PRDM2: variants seen among roughly 807,000 people sequenced by gnomAD.
The protein encoded by PRDM2 is PR domain zinc finger protein 2.
PRDM2 carries 30 observed loss-of-function variants against 130.0 expected under a neutral mutation model. That is an observed-to-expected ratio of 0.23 (90% CI 0.17 to 0.31). The LOEUF (loss-of-function observed/expected upper bound fraction) is 0.31, where lower values mean the gene tolerates loss of function less well. Among genes scored for constraint, PRDM2 ranks in the 10% least tolerant of loss-of-function variants. The probability of loss-of-function intolerance (pLI) is 1.00; values close to 1 mark genes in which losing one functional copy is unlikely to be tolerated. For synonymous variants in PRDM2, 871 were observed against 782.4 expected, an observed-to-expected ratio of 1.11 and a Z score of -1.89; for missense variants, 2,011 against 2,108.4, an observed-to-expected ratio of 0.95 and a Z score of 0.90.
At chr1:13,751,860 G>A (rs922844554) in intron 6 of PRDM2, among the ~76,000 whole-genome samples, 5 of 152,064 alleles carry the variant, frequency 3.3e-5, no homozygotes, top group Non-Finnish European at 7.4e-5. Context: ...TCATCAGATC[G>A]CTGGTGGATC....
In PRDM2 at chr1:13,803,939, T is replaced by G. The variant is rs1287637576; in HGVS notation, c.5037-12488T>G. 6.6e-6 allele frequency among the ~76,000 whole-genome samples: 1 copy of G among 152,162 alleles called. No homozygotes were observed. Among genetic ancestry groups the G allele is most frequent in the Non-Finnish European group, 1.5e-5 (1 of 68,024 alleles). On this transcript the variant is annotated intron_variant, in intron 8 of 9. Coordinates refer to ENST00000311066, the MANE Select transcript of PRDM2 (RefSeq NM_001393986.1). This position sits in a 1 kb window ranked among gnomAD's most constrained non-coding sequence, Gnocchi z 6.2. ...GGAGGCCACATTGGGGGCTCAGCAG[T>G]GGGCCCATGGCCTCCCTCAGGGCTG... is the stretch of plus-strand genomic sequence containing the variant.
intron 6 of PRDM2, among the ~76,000 whole-genome samples, chr1:13,760,613 T>C (rs1449305141): frequency 6.6e-6 from 1 of 152,228 alleles, no homozygotes; most frequent in Non-Finnish European, 1.5e-5. Flanking sequence ...ACATACCAGC[T>C]GCACCAGTTA....
In PRDM2 at chr1:13,779,359, G is replaced by C. The variant is rs148030242; in HGVS notation, c.1564G>C (p.Glu522Gln). 9.3e-6 allele frequency: 15 copies of C among 1,614,158 alleles called. No homozygotes were observed. The highest frequency in any genetic ancestry group is 1.3e-5 in the African/African-American group (1 of 75,034). Residue 522 changes from glutamate to glutamine, a missense_variant, in exon 8 of 10, where the codon GAA becomes CAA. This residue lies in a region of PRDM2 where 1,288 missense variants were observed against 1,237.7 expected (regional missense o/e 1.04). Coordinates refer to ENST00000311066, the MANE Select transcript of PRDM2 (RefSeq NM_001393986.1). The surrounding 1 kb of genome is among the most constrained non-coding windows in gnomAD (Gnocchi z 4.9). Reference sequence around the variant, plus strand: ...AGGTGTACGGCGAAAAGGAGGCCTTGAAGAGCCCCAGCCTCCAGCAGAACA... The same window carrying C: ...AGGTGTACGGCGAAAAGGAGGCCTTCAAGAGCCCCAGCCTCCAGCAGAACA... ...PKGVRRKGGLEEPQPPAEQAQ... is the reference protein window; with the variant it reads ...PKGVRRKGGLQEPQPPAEQAQ...
intron 1 of PRDM2, chr1:13,705,065 A>G (rs1642166958): frequency 6.6e-6 from 1 of 152,182 alleles, no homozygotes; most frequent in Non-Finnish European, 1.5e-5. Context: ...AGGTAAATAT[A>G]TGAATGCACT....
At chr1:13,727,676 C>T (rs1410011480) in intron 2 of PRDM2, among the ~76,000 whole-genome samples, 1 of 152,172 alleles carries the variant, frequency 6.6e-6, no homozygotes, top group African/African-American at 2.4e-5. Context: ...TATTTCTTAC[C>T]AGAGTGATGC....
intron 8 of PRDM2, among the ~76,000 whole-genome samples, chr1:13,794,974 T>C (rs1018231659): frequency 5.3e-5 from 8 of 152,204 alleles, no homozygotes; most frequent in African/African-American, 7.2e-5. Context: ...TTCCTTCTTA[T>C]AGCAGATGCT....
Position 13,782,648 on chromosome 1 carries a change from G to A in PRDM2, c.4853G>A (p.Ser1618Asn). The A allele has an allele frequency of 1.9e-6, 3 of 1,614,118 alleles. No individual in the cohort carries two copies. Among genetic ancestry groups the A allele is most frequent in the Non-Finnish European group, 2.5e-6 (3 of 1,180,032 alleles). Residue 1618 changes from serine to asparagine, a missense_variant, in exon 8 of 10, where the codon AGC becomes AAC. By Grantham distance (46) the Ser-to-Asn change is conservative. This residue lies in a region of PRDM2 where 410 missense variants were observed against 395.9 expected (regional missense o/e 1.04). Coordinates refer to ENST00000311066, the MANE Select transcript of PRDM2 (RefSeq NM_001393986.1). ...AGCCTGCACGTGAGGGTACAGAAAA[G>A]CAAAGCTGTTTTACAAAGCAAATCC... is the stretch of plus-strand genomic sequence containing the variant. ...SRSLHVRVQKSKAVLQSKSTL... is the reference protein window; with the variant it reads ...SRSLHVRVQKNKAVLQSKSTL...
At chr1:13,735,935 C>G (rs1643254942) in intron 4 of PRDM2, among the ~76,000 whole-genome samples, 1 of 152,140 alleles carries the variant, frequency 6.6e-6, no homozygotes, top group African/African-American at 2.4e-5. Flanking sequence ...TAACTCCCTG[C>G]TTAGCTGCTT....
chr1:13,756,323 G>A (rs1286983644), intron 6 of PRDM2, among the ~76,000 whole-genome samples: 1 of 151,894 alleles, frequency 6.6e-6, no homozygotes, highest in African/African-American at 2.4e-5. Flanking sequence ...CCATTGTGGA[G>A]GTTAAAAATA....
chr1:13,769,012 A>G, intron 6 of PRDM2: 1 of 419,648 alleles, frequency 2.4e-6, no homozygotes, highest in Non-Finnish European at 3.2e-6. Context: ...ATCTTGATGT[A>G]TTCATTTCTT....
chr1:13,728,287 C>G (rs1321765501), intron 2 of PRDM2, among the ~76,000 whole-genome samples: 1 of 152,176 alleles, frequency 6.6e-6, no homozygotes, highest in East Asian at 1.9e-4. Context: ...TGCAGTCTCA[C>G]AGAGGAGGCA....
chr1:13,794,640 GAGC>G (rs1644893646), intron 8 of PRDM2, among the ~76,000 whole-genome samples: 1 of 152,322 alleles, frequency 6.6e-6, no homozygotes, highest in East Asian at 1.9e-4. Context: ...GACAACTTTA[GAGC>G]AGCCTGGAAG....
chr1:13,787,658 T>C, intron 8 of PRDM2: 1 of 974,352 alleles, frequency 1.0e-6, no homozygotes, highest in Non-Finnish European at 1.2e-6. Flanking sequence ...TTTAAAATTA[T>C]TTAAATTGTT....
At chr1:13,814,085 T>C (rs1645218585) in intron 8 of PRDM2, among the ~76,000 whole-genome samples, 1 of 152,198 alleles carries the variant, frequency 6.6e-6, no homozygotes, top group Non-Finnish European at 1.5e-5. Context: ...ACCTGCTCTT[T>C]GCCAGCTCTG....
chr1:13,723,313 C>T (rs920154988), intron 2 of PRDM2, among the ~76,000 whole-genome samples: 6 of 152,212 alleles, frequency 3.9e-5, no homozygotes, highest in Non-Finnish European at 5.9e-5. Context: ...CACCCCTAGT[C>T]TGCCACATTA....
At chr1:13,701,669 T>G (rs1231923492) in intron 1 of PRDM2, among the ~76,000 whole-genome samples, 1 of 152,226 alleles carries the variant, frequency 6.6e-6, no homozygotes, top group Non-Finnish European at 1.5e-5. Flanking sequence ...AAGATCATTT[T>G]TATTAAACCC....
chr1:13,779,358 T>G lies in PRDM2; in HGVS notation c.1563T>G (p.Leu521=). The G allele has an allele frequency of 6.2e-7, 1 of 1,614,034 alleles. No homozygotes were observed. Among genetic ancestry groups the G allele is most frequent in the South Asian group, 1.1e-5 (1 of 91,070 alleles). Residue 521 remains leucine, a synonymous_variant, in exon 8 of 10, where the codon CTT becomes CTG. Coordinates refer to ENST00000311066, the MANE Select transcript of PRDM2 (RefSeq NM_001393986.1). This position sits in a 1 kb window ranked among gnomAD's most constrained non-coding sequence, Gnocchi z 4.9. The part of the protein sequence containing the change: ...IPKGVRRKGG[L]EEPQPPAEQA... ...AAGGTGTACGGCGAAAAGGAGGCCT[T>G]GAAGAGCCCCAGCCTCCAGCAGAAC...
intron 1 of PRDM2, among the ~76,000 whole-genome samples, chr1:13,714,237 G>T (rs1330461424): frequency 6.6e-6 from 1 of 152,032 alleles, no homozygotes; most frequent in Non-Finnish European, 1.5e-5. Flanking sequence ...TGTTCAATAT[G>T]TGATGTTTAC....
chr1:13,778,530 C>T lies in PRDM2; in HGVS notation c.735C>T (p.Ala245=), dbSNP rs1199257253. Residue 245 remains alanine (A), a synonymous_variant, in exon 8 of 10, where the codon GCC becomes GCT. Transcript: ENST00000311066. ...CAGAACTAGCAACCCCTGCCCCTGC[C>T]TGGGAGCCACAGCCAGAACCAGACG... ...VPPELATPAP[A]WEPQPEPDER... 3 of 1,614,028 alleles carry T rather than the reference C, an allele frequency of 1.9e-6. No individual in the cohort carries two copies. Among genetic ancestry groups the T allele is most frequent in the African/African-American group, 2.7e-5 (2 of 74,900 alleles).
Sources: allele counts gnomAD v4.1 joint callset (sites outside exome capture counted in the v4.1 genomes callset), GRCh38; gene constraint gnomAD v4.1.1; regional missense constraint gnomAD v4.1.1; non-coding constraint Gnocchi (gnomAD v3.1); transcripts MANE v1.5; gene names NCBI Gene and HGNC (gene_info 2026-07-23, HGNC 2026-07-21).